Variants in GFRAL observed in about 807,000 individuals in gnomAD.
The protein encoded by GFRAL is GDNF family receptor alpha like.
A neutral mutation model predicts 45.4 loss-of-function variants in GFRAL; 36 were observed. That is an observed-to-expected ratio of 0.79 (90% CI 0.61 to 1.05). The LOEUF is 1.05. Ranked by LOEUF, GFRAL falls within the 50% of genes least tolerant of loss-of-function variation. The pLI, the probability that GFRAL is intolerant of heterozygous loss-of-function variation, is 0.00. For synonymous variants in GFRAL, 166 were observed against 154.1 expected, an observed-to-expected ratio of 1.08 and a Z score of -0.57; for missense variants, 507 against 467.5, an observed-to-expected ratio of 1.08 and a Z score of -0.78.
chr6:55,350,565 T>C (rs369845086), intron 4 of GFRAL, among the ~76,000 whole-genome samples: 1 of 151,860 alleles, frequency 6.6e-6, no homozygotes, highest in Non-Finnish European at 1.5e-5. Flanking sequence ...GCGGGTCATG[T>C]AGGCTTGTGT....
At chr6:55,339,201 C>A (rs1767928660) in intron 3 of GFRAL, among the ~76,000 whole-genome samples, 1 of 152,052 alleles carries the variant, frequency 6.6e-6, no homozygotes, top group Non-Finnish European at 1.5e-5. Flanking sequence ...TGGCTTGGGA[C>A]AAGGGGATTG....
At chr6:55,366,411 T>C (rs1192226982) in intron 6 of GFRAL, among the ~76,000 whole-genome samples, 3 of 147,684 alleles carry the variant, frequency 2.0e-5, no homozygotes, top group Non-Finnish European at 4.5e-5. Flanking sequence ...TCATTAATTT[T>C]TTGAAGGGTT....
intron 3 of GFRAL, among the ~76,000 whole-genome samples, chr6:55,338,052 C>G (rs957288450): frequency 2.0e-5 from 3 of 152,058 alleles, no homozygotes; most frequent in Non-Finnish European, 2.9e-5. Context: ...ATATTTTCTC[C>G]TTTTCTTTGT....
intron 6 of GFRAL, among the ~76,000 whole-genome samples, chr6:55,373,411 C>G (rs922764897): frequency 5.3e-5 from 8 of 152,118 alleles, no homozygotes; most frequent in Non-Finnish European, 1.0e-4. Flanking sequence ...GTTTAACAGT[C>G]ACAGACTTTT....
intron 5 of GFRAL, among the ~76,000 whole-genome samples, chr6:55,355,674 A>C (rs1768180946): frequency 1.3e-5 from 2 of 151,748 alleles, no homozygotes. Flanking sequence ...CTGCAAACAA[A>C]TTTTTCTACC....
At chr6:55,365,819 A>T (rs1768353866) in intron 6 of GFRAL, among the ~76,000 whole-genome samples, 1 of 149,952 alleles carries the variant, frequency 6.7e-6, no homozygotes, top group Admixed American at 6.7e-5. Flanking sequence ...AAGCTTTTGG[A>T]TGTGCTGCTG....
At chr6:55,329,611 C>T (rs1445966516) in intron 1 of GFRAL, among the ~76,000 whole-genome samples, 10 of 151,928 alleles carry the variant, frequency 6.6e-5, no homozygotes, top group Admixed American at 3.3e-4. Context: ...CTTTTTCTTT[C>T]TTTGGGCTAG....
chr6:55,382,870 A>C, intron 6 of GFRAL, among the ~76,000 whole-genome samples: 1 of 152,018 alleles, frequency 6.6e-6, no homozygotes, highest in African/African-American at 2.4e-5. Flanking sequence ...GTAAAGAAAT[A>C]TCTGAAACAT....
chr6:55,363,457 T>G (rs941902124), intron 6 of GFRAL, among the ~76,000 whole-genome samples: 1 of 151,714 alleles, frequency 6.6e-6, no homozygotes, highest in Admixed American at 6.6e-5. Context: ...TTAATTATAC[T>G]TTAAGTTTTA....
intron 3 of GFRAL, among the ~76,000 whole-genome samples, chr6:55,339,175 G>A (rs767576063): frequency 2.0e-4 from 30 of 152,236 alleles, no homozygotes; most frequent in East Asian, 5.8e-4. Context: ...TGTATTAAGC[G>A]TAATCTCCAG....
intron 6 of GFRAL, among the ~76,000 whole-genome samples, chr6:55,384,574 T>G (rs1768655444): frequency 6.6e-6 from 1 of 152,058 alleles, no homozygotes; most frequent in South Asian, 2.1e-4. Context: ...TCAAGCACAC[T>G]GTGTTTAGAA....
At chr6:55,364,615 A>G (rs1768331875) in intron 6 of GFRAL, among the ~76,000 whole-genome samples, 1 of 148,050 alleles carries the variant, frequency 6.8e-6, no homozygotes, top group Non-Finnish European at 1.5e-5. Flanking sequence ...TGATTTTTGT[A>G]TAAGGTGTAA....
rs772765084 is a variant in GFRAL at position 55,327,517 on chromosome 6, G to A, written c.-38G>A. 1.2e-6 allele frequency: 2 copies of A among 1,611,342 alleles called. No individual in the cohort carries two copies. The highest frequency in any genetic ancestry group is 8.5e-7 in the Non-Finnish European group (1 of 1,178,208). ...GAAAGTTGTCAGAAGAAACGCATCTGCCTTTTTTTCCAGGTGAACTGCCGT... is the reference window on the plus strand; with the variant it reads ...GAAAGTTGTCAGAAGAAACGCATCTACCTTTTTTTCCAGGTGAACTGCCGT... On this transcript the variant is annotated 5_prime_UTR_variant, in exon 1 of 9. Transcript: ENST00000340465.
At chr6:55,395,281 T>C (rs1768809941) in intron 6 of GFRAL, among the ~76,000 whole-genome samples, 1 of 151,380 alleles carries the variant, frequency 6.6e-6, no homozygotes. Context: ...AAAACCTGTC[T>C]GGACAATCAG....
chr6:55,350,206 G>A, intron 4 of GFRAL, 61 bp downstream of exon 4: 1 of 998,254 alleles, frequency 1.0e-6, no homozygotes, highest in East Asian at 2.4e-5. Flanking sequence ...ATAAAATGCA[G>A]TTACCAGGCT....
chr6:55,333,681 A>T, intron 2 of GFRAL, 105 bp from the exon 3 acceptor site: 1 of 600,472 alleles, frequency 1.7e-6, no homozygotes, highest in Non-Finnish European at 2.7e-6. Flanking sequence ...TAATCTTACC[A>T]TATTAATTAA....
rs1768867015 is a variant in GFRAL at position 55,399,359 on chromosome 6, C to G, written c.1049-10C>G. 1.3e-6 allele frequency: 2 copies of G among 1,599,106 alleles called. No homozygotes were observed. The highest frequency in any genetic ancestry group is 1.7e-6 in the Non-Finnish European group (2 of 1,168,976). On this transcript the variant is annotated splice_polypyrimidine_tract_variant and intron_variant, in intron 7 of 8. Coordinates refer to ENST00000340465, the MANE Select transcript of GFRAL (RefSeq NM_207410.2). The stretch of plus-strand genomic sequence containing the variant: ...GTGACTATTATTTCTTAATCTTTTT[C>G]TTTTTCTAGGAGAAGTAATCTATGC...
At chr6:55,353,444 A>T (rs55755445) in intron 5 of GFRAL, among the ~76,000 whole-genome samples, 13,068 of 152,092 alleles carry the variant, frequency 0.086, 580 homozygotes, top group South Asian at 0.12. Context: ...TAAAGAGCTA[A>T]GCAGAGTCCT....
chr6:55,343,426 T>C (rs1253577702), intron 3 of GFRAL, among the ~76,000 whole-genome samples: 1 of 152,194 alleles, frequency 6.6e-6, no homozygotes, highest in Non-Finnish European at 1.5e-5. Context: ...CGTGAATGAC[T>C]GCTGGGTACA....
Sources: allele counts gnomAD v4.1 joint callset (sites outside exome capture counted in the v4.1 genomes callset), GRCh38; gene constraint gnomAD v4.1.1; transcripts MANE v1.5; gene names NCBI Gene and HGNC (gene_info 2026-07-23, HGNC 2026-07-21).